RORA: variants seen among roughly 807,000 people sequenced by gnomAD.
RORA encodes RAR related orphan receptor A.
A neutral mutation model predicts 69.5 loss-of-function variants in RORA; 7 were observed. That is an observed-to-expected ratio of 0.10 (90% CI 0.06 to 0.19). The LOEUF (loss-of-function observed/expected upper bound fraction) is 0.19, where lower values mean the gene tolerates loss of function less well. RORA is among the 10% of genes least tolerant of loss of function. The pLI is 1.00. For missense variants in RORA, 457 were observed against 663.0 expected (o/e 0.69, Z 3.41); for synonymous variants, 261 against 240.8 (o/e 1.08, Z -0.78).
At chr15:60,934,760 C>A (rs550046671) in intron 1 of RORA, among the ~76,000 whole-genome samples, 1 of 152,330 alleles carries the variant, frequency 6.6e-6, no homozygotes, top group Admixed American at 6.5e-5. Flanking sequence ...TGAAAGCCCT[C>A]AAGCCATCAC....
intron 1 of RORA, among the ~76,000 whole-genome samples, chr15:61,088,704 T>TC (rs2078660826): frequency 6.6e-6 from 1 of 152,006 alleles, no homozygotes; most frequent in Non-Finnish European, 1.5e-5. Flanking sequence ...AATGGGCTAG[T>TC]AAACTAGTAA....
rs2073238118 is a variant in RORA, at chr15:60,844,371, C to T, written c.167-165685G>A. On this transcript the variant is annotated intron_variant, in intron 1 of 10. Coordinates refer to ENST00000335670, the MANE Select transcript of RORA (RefSeq NM_134261.3). Reference sequence around the variant, plus strand: ...GCATCTACTTAAGGAAAACTTTGCTCCAAGTTCCCAAATGGAAAAGCCAAT... The same window carrying T: ...GCATCTACTTAAGGAAAACTTTGCTTCAAGTTCCCAAATGGAAAAGCCAAT... Among the ~76,000 whole-genome samples, 3 of 152,274 alleles carry T rather than the reference C, an allele frequency of 2.0e-5. No individual in the cohort carries two copies. In the South Asian group the frequency reaches 6.2e-4, roughly 32 times the overall value.
chr15:61,011,618 A>G (rs12901225), intron 1 of RORA, among the ~76,000 whole-genome samples: 19,546 of 152,090 alleles, frequency 0.13, 1,333 homozygotes, highest in African/African-American at 0.16. Flanking sequence ...TTTCCTACGC[A>G]TTAAAAAAAA....
intron 1 of RORA, among the ~76,000 whole-genome samples, chr15:61,215,819 A>ATG (rs898574785): frequency 3.9e-5 from 6 of 152,228 alleles, no homozygotes; most frequent in African/African-American, 1.4e-4. Flanking sequence ...CTACGTCTGC[A>ATG]TGTGTGTGTA....
chr15:60,931,433 G>T (rs1892368868), intron 1 of RORA, among the ~76,000 whole-genome samples: 1 of 152,254 alleles, frequency 6.6e-6, no homozygotes, highest in Non-Finnish European at 1.5e-5. Flanking sequence ...TAGCTGAAGA[G>T]AGAAGAGGCC....
chr15:60,976,432 C>A (rs1022251445), intron 1 of RORA, among the ~76,000 whole-genome samples: 1 of 152,140 alleles, frequency 6.6e-6, no homozygotes, highest in African/African-American at 2.4e-5. Flanking sequence ...TGTCTTTAGG[C>A]AAATGCAGAC....
intron 1 of RORA, among the ~76,000 whole-genome samples, chr15:60,776,180 C>CCAGCTTG (rs1167066428): frequency 3.9e-5 from 6 of 152,172 alleles, no homozygotes; most frequent in Non-Finnish European, 7.3e-5. Flanking sequence ...GCACTCATGA[C>CCAGCTTG]CAGCTTGCAG....
chr15:60,700,722 T>G (rs1184617061), intron 1 of RORA, among the ~76,000 whole-genome samples: 1 of 152,224 alleles, frequency 6.6e-6, no homozygotes, highest in East Asian at 1.9e-4. Context: ...GTTCCATGTT[T>G]TTAAAGACCT....
At chr15:60,904,245 G>A (rs1207701916) in intron 1 of RORA, among the ~76,000 whole-genome samples, 3 of 152,134 alleles carry the variant, frequency 2.0e-5, no homozygotes, top group Admixed American at 6.5e-5. Flanking sequence ...TGATATGAGC[G>A]TCCTGGCTGG....
chr15:60,858,722 CACAA>C (rs1362273723), intron 1 of RORA, among the ~76,000 whole-genome samples: 3 of 151,842 alleles, frequency 2.0e-5, no homozygotes, highest in African/African-American at 7.3e-5. Flanking sequence ...CACACACACA[CACAA>C]AAGCACAAAG....
intron 1 of RORA, among the ~76,000 whole-genome samples, chr15:61,219,300 T>C (rs1480181155): frequency 6.6e-6 from 1 of 152,198 alleles, no homozygotes; most frequent in Non-Finnish European, 1.5e-5. Flanking sequence ...TTAGGCTGGG[T>C]GTGGTGGCTC....
At chr15:61,205,663 C>G (rs1344725729) in intron 1 of RORA, among the ~76,000 whole-genome samples, 1 of 152,202 alleles carries the variant, frequency 6.6e-6, no homozygotes, top group African/African-American at 2.4e-5. Flanking sequence ...GGCACAGGAA[C>G]AGCCAGAGGG....
intron 1 of RORA, among the ~76,000 whole-genome samples, chr15:61,132,812 C>T (rs900075111): frequency 2.0e-5 from 3 of 152,254 alleles, no homozygotes; most frequent in African/African-American, 7.2e-5. Context: ...AAATTTGGTA[C>T]CACCATTTGC....
intron 1 of RORA, among the ~76,000 whole-genome samples, chr15:61,178,830 A>G (rs927327012): frequency 2.0e-5 from 3 of 152,208 alleles, no homozygotes; most frequent in Non-Finnish European, 4.4e-5. Context: ...CATGACACCC[A>G]TGGCAAGTCC....
intron 1 of RORA, chr15:61,183,005 A>G: frequency 6.6e-6 from 1 of 152,348 alleles, no homozygotes; most frequent in Non-Finnish European, 1.5e-5. Flanking sequence ...GAGACTAAGT[A>G]GACAACACAA....
intron 1 of RORA, among the ~76,000 whole-genome samples, chr15:60,886,925 AC>A (rs1282838360): frequency 6.6e-6 from 1 of 152,180 alleles, no homozygotes; most frequent in Non-Finnish European, 1.5e-5. Flanking sequence ...ACCAGAGGAC[AC>A]TCACAGTTGC....
intron 1 of RORA, among the ~76,000 whole-genome samples, chr15:60,882,660 C>T (rs1281266256): frequency 2.0e-5 from 3 of 151,726 alleles, no homozygotes; most frequent in Admixed American, 1.3e-4. Context: ...CACACACACA[C>T]ACACACACAC....
At chr15:61,193,700 A>G (rs1022609050) in intron 1 of RORA, among the ~76,000 whole-genome samples, 1 of 152,214 alleles carries the variant, frequency 6.6e-6, no homozygotes, top group African/African-American at 2.4e-5. Context: ...CATCATGTTA[A>G]TTGCTTTACA....
At chr15:60,950,000 G>A (rs1218371899) in intron 1 of RORA, among the ~76,000 whole-genome samples, 1 of 151,988 alleles carries the variant, frequency 6.6e-6, no homozygotes, top group African/African-American at 2.4e-5. Context: ...ATTCACCAAA[G>A]TTGAAATGAA....
Sources: gnomAD v4.1 joint callset for allele counts (sites outside exome capture counted in the v4.1 genomes callset) on GRCh38, gnomAD v4.1.1 for gene constraint, MANE v1.5 for transcripts, NCBI Gene and HGNC (gene_info 2026-07-23, HGNC 2026-07-21) for gene names.